The following PDSS2 variants were observed in gnomAD, a reference collection of about 807,000 sequenced individuals.
PDSS2 encodes all trans-polyprenyl-diphosphate synthase PDSS2.
Under a neutral mutation model 44.5 loss-of-function variants are expected in PDSS2, and 31 were observed. That is an observed-to-expected ratio of 0.70 (90% CI 0.52 to 0.94). The LOEUF (loss-of-function observed/expected upper bound fraction) is 0.94, where lower values mean the gene tolerates loss of function less well. Ranked by LOEUF, PDSS2 falls within the 40% of genes least tolerant of loss-of-function variation. PDSS2 has a pLI of 0.00. For missense variants in PDSS2, 452 were observed against 482.2 expected, an observed-to-expected ratio of 0.94 and a Z score of 0.59; for synonymous variants, 157 against 180.3, an observed-to-expected ratio of 0.87 and a Z score of 1.03.
chr6:107,367,432 AACAAG>A (rs1219078400), intron 1 of PDSS2, among the ~76,000 whole-genome samples: 1 of 152,212 alleles, frequency 6.6e-6, no homozygotes, highest in Non-Finnish European at 1.5e-5. Context: ...TAGGACTGGG[AACAAG>A]GTAAGGATGT....
Position 107,187,852 on chromosome 6 carries a change from G to A in PDSS2, c.1041+5970C>T, listed in dbSNP as rs540129354. On this transcript the variant is annotated intron_variant, in intron 7 of 7. Coordinates refer to ENST00000369037, the MANE Select transcript of PDSS2 (RefSeq NM_020381.4). ...TGCAACCATGAGCAAGGCCACCGAA[G>A]CACCTGCCGTTAGATCTTTTACATG... Among the ~76,000 whole-genome samples, 4 of 152,262 alleles carry A rather than the reference G, an allele frequency of 2.6e-5. No individual in the cohort carries two copies. The South Asian group carries it at 8.3e-4, about 32-fold the overall frequency.
chr6:107,241,344 C>CTTTTTTTT (rs58623641), intron 4 of PDSS2, among the ~76,000 whole-genome samples: 2 of 77,980 alleles, frequency 2.6e-5, no homozygotes, highest in Non-Finnish European at 4.4e-5. Context: ...TCTTCTTCTT[C>CTTTTTTTT]TTTTTTTTTT....
At chr6:107,428,318 T>C (rs1297802302) in intron 1 of PDSS2, among the ~76,000 whole-genome samples, 1 of 152,228 alleles carries the variant, frequency 6.6e-6, no homozygotes, top group Admixed American at 6.5e-5. Flanking sequence ...AGTGTATTCT[T>C]TTGTGCTCTG....
At chr6:107,434,944 T>A (rs1781303059) in intron 1 of PDSS2, among the ~76,000 whole-genome samples, 1 of 151,840 alleles carries the variant, frequency 6.6e-6, no homozygotes, top group Non-Finnish European at 1.5e-5. Context: ...CTCATAAAAA[T>A]TTTTTTTAAA....
chr6:107,237,187 T>C (rs144000586), intron 4 of PDSS2, among the ~76,000 whole-genome samples: 2 of 152,188 alleles, frequency 1.3e-5, no homozygotes, highest in African/African-American at 4.8e-5. Flanking sequence ...CCTGCCTTGG[T>C]CTCCCAAATT....
At chr6:107,324,732 C>T (rs1777485350) in intron 2 of PDSS2, among the ~76,000 whole-genome samples, 1 of 152,096 alleles carries the variant, frequency 6.6e-6, no homozygotes, top group African/African-American at 2.4e-5. Flanking sequence ...TTGAATATTA[C>T]CTATTTCATG....
At chr6:107,190,642 A>G (rs1772341378) in intron 7 of PDSS2, among the ~76,000 whole-genome samples, 1 of 152,226 alleles carries the variant, frequency 6.6e-6, no homozygotes, top group African/African-American at 2.4e-5. Context: ...GATTTGCTAT[A>G]GGAGACAATC....
chr6:107,372,157 G>T (rs572231122), intron 1 of PDSS2, among the ~76,000 whole-genome samples: 5 of 152,242 alleles, frequency 3.3e-5, no homozygotes, highest in South Asian at 4.1e-4. Flanking sequence ...GCAGTCAAGG[G>T]GGGTAGTCAC....
intron 7 of PDSS2, among the ~76,000 whole-genome samples, chr6:107,171,806 G>A (rs993443712): frequency 2.6e-5 from 4 of 152,094 alleles, no homozygotes; most frequent in South Asian, 2.1e-4. Context: ...GATTACAGGC[G>A]TGAGGCACTG....
intron 3 of PDSS2, among the ~76,000 whole-genome samples, chr6:107,255,302 C>T (rs1774974570): frequency 6.7e-6 from 1 of 150,314 alleles, no homozygotes; most frequent in Admixed American, 6.7e-5. Context: ...AAACAATTCT[C>T]CTGCCTCAGC....
chr6:107,349,544 T>C (rs1778368328), intron 1 of PDSS2, among the ~76,000 whole-genome samples: 1 of 150,726 alleles, frequency 6.6e-6, no homozygotes, highest in Non-Finnish European at 1.5e-5. Context: ...AGGTCAGGAG[T>C]TCGAGATCAG....
At chr6:107,237,211 A>G (rs1052210315) in intron 4 of PDSS2, among the ~76,000 whole-genome samples, 3 of 151,890 alleles carry the variant, frequency 2.0e-5, no homozygotes, top group Admixed American at 2.0e-4. Flanking sequence ...AGGATTACAG[A>G]TATCAGCCAT....
At chr6:107,453,844 T>C (rs1781951383) in intron 1 of PDSS2, among the ~76,000 whole-genome samples, 1 of 152,206 alleles carries the variant, frequency 6.6e-6, no homozygotes, top group South Asian at 2.1e-4. Context: ...ATATAACTAC[T>C]ACCCTAAAAC....
chr6:107,426,856 A>T (rs1436950671), intron 1 of PDSS2, among the ~76,000 whole-genome samples: 1 of 152,042 alleles, frequency 6.6e-6, no homozygotes, highest in African/African-American at 2.4e-5. Flanking sequence ...CAATGCCTGT[A>T]CCCCCATTGT....
At chr6:107,401,172 G>A (rs1002357511) in intron 1 of PDSS2, among the ~76,000 whole-genome samples, 1 of 152,136 alleles carries the variant, frequency 6.6e-6, no homozygotes, top group African/African-American at 2.4e-5. Flanking sequence ...CAGTACTCAG[G>A]AAGGACACAA....
chr6:107,392,534 T>C (rs1779816374), intron 1 of PDSS2, among the ~76,000 whole-genome samples: 1 of 152,228 alleles, frequency 6.6e-6, no homozygotes, highest in Admixed American at 6.5e-5. Flanking sequence ...TTGAGCATGA[T>C]TCATTAGCTT....
At chr6:107,375,425 A>C (rs886535022) in intron 1 of PDSS2, among the ~76,000 whole-genome samples, 3 of 152,242 alleles carry the variant, frequency 2.0e-5, no homozygotes, top group African/African-American at 4.8e-5. Context: ...TACTTCAAAA[A>C]GATAATAAAA....
chr6:107,187,860 C>T (rs1481920205), intron 7 of PDSS2, among the ~76,000 whole-genome samples: 1 of 152,088 alleles, frequency 6.6e-6, no homozygotes, highest in South Asian at 2.1e-4. Flanking sequence ...AAGCACCTGC[C>T]GTTAGATCTT....
At chr6:107,165,110 C>T (rs188560759) in intron 7 of PDSS2, among the ~76,000 whole-genome samples, 56 of 152,116 alleles carry the variant, frequency 3.7e-4, no homozygotes, top group East Asian at 3.1e-3. Flanking sequence ...CCCATTCTGT[C>T]GGTTGCCCGT....
Sources: allele counts gnomAD v4.1 joint callset (sites outside exome capture counted in the v4.1 genomes callset), GRCh38; gene constraint gnomAD v4.1.1; transcripts MANE v1.5; gene names NCBI Gene and HGNC (gene_info 2026-07-23, HGNC 2026-07-21).